NBPF11: variants seen among roughly 807,000 people sequenced by gnomAD.
The protein encoded by NBPF11 is NBPF member 11.
In NBPF11, 72 loss-of-function variants were observed where a neutral mutation model predicts 93.9. That is an observed-to-expected ratio of 0.77 (90% CI 0.63 to 0.93). The LOEUF is 0.93. Among genes scored for constraint, NBPF11 ranks in the 40% least tolerant of loss-of-function variants. The probability of loss-of-function intolerance (pLI) is 0.00; values close to 1 mark genes in which losing one functional copy is unlikely to be tolerated. For missense variants in NBPF11, 705 were observed against 802.2 expected (o/e 0.88, Z 1.46); for synonymous variants, 224 against 304.9 (o/e 0.73, Z 2.76).
intron 12 of NBPF11, among the ~76,000 whole-genome samples, chr1:148,116,796 C>A (rs1324122305): frequency 6.6e-6 from 1 of 152,084 alleles, no homozygotes; most frequent in Admixed American, 6.5e-5. Context: ...GAGGCTTGTG[C>A]AGCCTCTCTC....
chr1:148,114,538 C>T, intron 14 of NBPF11, 50 bp from the exon 15 acceptor site: 1 of 572,066 alleles, frequency 1.7e-6, no homozygotes, highest in South Asian at 2.0e-5. Flanking sequence ...TCATACTTCA[C>T]ATATGAACAA....
chr1:148,132,723 C>CCTTTTTTTTTTTTTTTTTTT (rs1670621188), intron 4 of NBPF11, among the ~76,000 whole-genome samples: 1 of 33,214 alleles, frequency 3.0e-5, no homozygotes, highest in Non-Finnish European at 6.4e-5. Flanking sequence ...GTTGACTTTC[C>CCTTTTTTTTTTTTTTTTTTT]TTTTTTTTTT....
chr1:148,149,655 C>A (rs1308542554), intron 1 of NBPF11: 5 of 1,192,526 alleles, frequency 4.2e-6, no homozygotes, highest in Admixed American at 2.8e-5. Flanking sequence ...GCATGTGGAC[C>A]CCCCCGGGCG....
intron 1 of NBPF11, among the ~76,000 whole-genome samples, chr1:148,148,010 C>T (rs1673475768): frequency 6.6e-6 from 1 of 152,084 alleles, no homozygotes; most frequent in African/African-American, 2.4e-5. Context: ...GTGTCCCGTT[C>T]GTTTGAGTGG....
chr1:148,114,150 C>A (rs2149204358), intron 15 of NBPF11, among the ~76,000 whole-genome samples: 1 of 142,462 alleles, frequency 7.0e-6, no homozygotes, highest in South Asian at 2.3e-4. Context: ...CACAAAAAAC[C>A]CTTCAAAAAA....
intron 1 of NBPF11, chr1:148,146,709 C>T (rs2149307637): frequency 1.9e-6 from 3 of 1,611,984 alleles, no homozygotes; most frequent in Admixed American, 1.7e-5. Context: ...TGTATGTTCG[C>T]TGCGTGCCTG....
chr1:148,127,117 C>A, intron 4 of NBPF11, 79 bp from the exon 5 acceptor site: 1 of 459,742 alleles, frequency 2.2e-6, no homozygotes, highest in South Asian at 2.2e-5. Flanking sequence ...TGAGGGATGT[C>A]AGTAACTGAA....
At chr1:148,124,874 G>C (rs782232051) in intron 6 of NBPF11, 25 bp downstream of exon 6, 8 of 1,605,602 alleles carry the variant, frequency 5.0e-6, no homozygotes, top group Non-Finnish European at 5.9e-6. Flanking sequence ...CTACCTGCCT[G>C]TCTCCCCCTA....
At chr1:148,131,048 T>C (rs1267046876) in intron 4 of NBPF11, among the ~76,000 whole-genome samples, 13 of 151,608 alleles carry the variant, frequency 8.6e-5, no homozygotes, top group East Asian at 5.8e-4. Flanking sequence ...GTTTGGGCTA[T>C]TATGAAGAAA....
chr1:148,110,338 A>G lies in NBPF11; in HGVS notation c.1801+40T>C, dbSNP rs1462577646. 161 of 1,571,970 alleles carry G rather than the reference A, an allele frequency of 1.0e-4. 4 individuals are homozygous for G. The African/African-American group carries it at 2.0e-3, about 20-fold the overall frequency. ...AAAGATTATGGGGTCTACCTGGGCC[A>G]TGAACTGGAGCTTTATCACCTTCAC... On this transcript the variant is annotated intron_variant, in intron 16 of 23. Coordinates refer to ENST00000682118, the MANE Select transcript of NBPF11 (RefSeq NM_001385469.3).
intron 19 of NBPF11, among the ~76,000 whole-genome samples, chr1:148,107,376 G>A (rs1663952223): frequency 6.6e-6 from 1 of 150,946 alleles, no homozygotes; most frequent in East Asian, 1.9e-4. Context: ...TGATGAAGGG[G>A]TCAAAGGACA....
intron 2 of NBPF11, among the ~76,000 whole-genome samples, chr1:148,142,133 G>T (rs2404366): frequency 1.3e-5 from 2 of 150,984 alleles, no homozygotes; most frequent in Non-Finnish European, 2.9e-5. Context: ...GAGAGAGAAA[G>T]AGAGTGGGAG....
chr1:148,142,276 A>G (rs2404364), intron 2 of NBPF11, among the ~76,000 whole-genome samples: 1 of 151,682 alleles, frequency 6.6e-6, no homozygotes, highest in Non-Finnish European at 1.5e-5. Context: ...ACTAGTTATT[A>G]GAGAGAGACG....
rs1414616506 is a variant in NBPF11, at chr1:148,151,624, T to G, written c.-549+126A>C. On this transcript the variant is annotated intron_variant, in intron 1 of 23. Coordinates refer to ENST00000682118, the MANE Select transcript of NBPF11 (RefSeq NM_001385469.3). ...GGCGGAGCCCTGCGGAGCCCGGCAGTGCCCGGCGCAACCGCCCCGCTCGCC... is the reference window on the plus strand; with the variant it reads ...GGCGGAGCCCTGCGGAGCCCGGCAGGGCCCGGCGCAACCGCCCCGCTCGCC... The G allele has an allele frequency of 9.8e-5, 15 of 152,286 alleles. No individual in the cohort carries two copies. In the East Asian group the frequency reaches 1.2e-3, roughly 12 times the overall value. 9.4% of individuals were successfully genotyped at this position (152,286 alleles called of 1,614,324 possible).
At position 148,149,300 on chromosome 1, in the gene NBPF11, C is replaced by T. The variant is rs1234588573; in HGVS notation, c.-549+2450G>A. 12 of 1,596,822 alleles carry T rather than the reference C, an allele frequency of 7.5e-6. No homozygotes were observed. The East Asian group carries it at 1.1e-4, about 15-fold the overall frequency. ...CACCTCGGGCATGCGCGTCGCCTTC[C>T]GCGACACCAAGAAGACCTACTGCTT... On this transcript the variant is annotated intron_variant, in intron 1 of 23. Transcript: ENST00000682118.
chr1:148,127,098 A>T (rs1669298120), intron 4 of NBPF11, 60 bp from the exon 5 acceptor site: 1 of 488,450 alleles, frequency 2.0e-6, no homozygotes, highest in Non-Finnish European at 3.5e-6. Flanking sequence ...AAATAGGTTT[A>T]ATCAGGACTG....
At chr1:148,115,553 C>G (rs1553269332) in intron 14 of NBPF11, among the ~76,000 whole-genome samples, 2 of 151,750 alleles carry the variant, frequency 1.3e-5, no homozygotes, top group South Asian at 4.1e-4. Flanking sequence ...GCCTGTGCAC[C>G]TCCTGCACTG....
chr1:148,124,477 AC>A (rs1668615446), intron 6 of NBPF11, among the ~76,000 whole-genome samples: 1 of 149,930 alleles, frequency 6.7e-6, no homozygotes, highest in Non-Finnish European at 1.5e-5. Flanking sequence ...AATTGAAAAG[AC>A]GAAAGAAGAA....
At chr1:148,145,857 G>T (rs1165332999) in intron 1 of NBPF11, among the ~76,000 whole-genome samples, 24 of 151,504 alleles carry the variant, frequency 1.6e-4, no homozygotes, top group East Asian at 9.8e-4. Flanking sequence ...TCCAGCCTGG[G>T]CAACAGAGTG....
Sources: allele counts gnomAD v4.1 joint callset (sites outside exome capture counted in the v4.1 genomes callset), GRCh38; gene constraint gnomAD v4.1.1; transcripts MANE v1.5; gene names NCBI Gene and HGNC (gene_info 2026-07-23, HGNC 2026-07-21).